The following BABAM2 variants were observed in gnomAD, a reference collection of about 807,000 sequenced individuals.
BABAM2 encodes BRISC and BRCA1-A complex member 2.
In BABAM2, 31 loss-of-function variants were observed where a neutral mutation model predicts 54.7. That is an observed-to-expected ratio of 0.57 (90% CI 0.43 to 0.77). The LOEUF (loss-of-function observed/expected upper bound fraction) is 0.77, where lower values mean the gene tolerates loss of function less well. Ranked by LOEUF, BABAM2 falls within the 30% of genes least tolerant of loss-of-function variation. The probability of loss-of-function intolerance (pLI) is 0.00; values close to 1 mark genes in which losing one functional copy is unlikely to be tolerated. For missense variants in BABAM2, 364 were observed against 455.8 expected (o/e 0.80, Z 1.83); for synonymous variants, 167 against 162.9 (o/e 1.03, Z -0.19).
intron 10 of BABAM2, among the ~76,000 whole-genome samples, chr2:28,291,557 G>C (rs545533405): frequency 7.9e-5 from 12 of 151,286 alleles, no homozygotes; most frequent in Non-Finnish European, 1.6e-4. Context: ...TCACACCACT[G>C]CACTCCAGCC....
chr2:27,896,118 C>T (rs955406083), intron 2 of BABAM2: 6 of 151,948 alleles, frequency 3.9e-5, no homozygotes, highest in Admixed American at 6.6e-5. Flanking sequence ...AGGTATTGGA[C>T]ACTAGGGCAA....
At chr2:28,192,953 G>A (rs1281879293) in intron 7 of BABAM2, among the ~76,000 whole-genome samples, 7 of 151,782 alleles carry the variant, frequency 4.6e-5, no homozygotes, top group Admixed American at 1.3e-4. Context: ...TGGGTGGATC[G>A]CCTGAGGTCA....
intron 10 of BABAM2, among the ~76,000 whole-genome samples, chr2:28,296,897 A>G (rs1687739407): frequency 6.6e-6 from 1 of 152,142 alleles, no homozygotes; most frequent in African/African-American, 2.4e-5. Context: ...CATGTTGGCC[A>G]GGCTGGTCTT....
rs140251284 is a variant in BABAM2 at position 27,962,638 on chromosome 2, T to G, written c.206-25355T>G. On this transcript the variant is annotated intron_variant, in intron 3 of 11. Transcript: ENST00000379624. ...TGAAACAGAAGGGATCAGAAAGAAATTTGATATGGTCAAAAGCAAATTTAA... is the reference window on the plus strand; with the variant it reads ...TGAAACAGAAGGGATCAGAAAGAAAGTTGATATGGTCAAAAGCAAATTTAA... Among the ~76,000 whole-genome samples, 476 of 152,286 alleles carry G rather than the reference T, an allele frequency of 3.1e-3. 4 individuals are homozygous for G. The highest frequency in any genetic ancestry group is 0.011 in the African/African-American group (451 of 41,548).
At chr2:28,220,970 A>G (rs1680350620) in intron 7 of BABAM2, among the ~76,000 whole-genome samples, 2 of 152,172 alleles carry the variant, frequency 1.3e-5, no homozygotes, top group Non-Finnish European at 2.9e-5. Context: ...GTCTTACTGT[A>G]ATACTCCCTT....
At chr2:28,335,452 G>A (rs940864556) in intron 11 of BABAM2, among the ~76,000 whole-genome samples, 1 of 152,222 alleles carries the variant, frequency 6.6e-6, no homozygotes, top group Non-Finnish European at 1.5e-5. Context: ...TTACAGGCAT[G>A]AGCCACTGCG....
At chr2:28,288,450 C>T (rs1041776127) in intron 10 of BABAM2, among the ~76,000 whole-genome samples, 11 of 151,872 alleles carry the variant, frequency 7.2e-5, no homozygotes, top group African/African-American at 2.4e-4. Context: ...CTCAGCCTCC[C>T]GAGTAGCTAG....
intron 6 of BABAM2, among the ~76,000 whole-genome samples, chr2:28,100,768 G>C (rs1418332616): frequency 2.0e-5 from 3 of 152,152 alleles, no homozygotes; most frequent in African/African-American, 7.2e-5. Context: ...CAAATGAAGG[G>C]GCAAGTGTGG....
chr2:28,280,285 T>A (rs889548252), intron 10 of BABAM2, among the ~76,000 whole-genome samples: 8 of 151,306 alleles, frequency 5.3e-5, no homozygotes, highest in Middle Eastern at 7.0e-3. Context: ...AGTCTCAAAT[T>A]CCCTGGGCTC....
At chr2:28,014,491 C>T (rs994950031) in intron 4 of BABAM2, among the ~76,000 whole-genome samples, 1 of 152,148 alleles carries the variant, frequency 6.6e-6, no homozygotes, top group Non-Finnish European at 1.5e-5. Context: ...CTTAACCTAA[C>T]TGTGTTTCTA....
intron 10 of BABAM2, among the ~76,000 whole-genome samples, chr2:28,250,892 C>A (rs769296541): frequency 6.6e-6 from 1 of 152,202 alleles, no homozygotes; most frequent in Non-Finnish European, 1.5e-5. Flanking sequence ...AGCCACCACG[C>A]CCAGCCACAG....
intron 6 of BABAM2, among the ~76,000 whole-genome samples, chr2:28,113,859 TC>T (rs1403504634): frequency 2.6e-5 from 4 of 152,182 alleles, no homozygotes; most frequent in African/African-American, 9.7e-5. Flanking sequence ...AAGAGATCCT[TC>T]ACATCCCTTG....
At chr2:27,890,072 C>T, upstream of BABAM2, 3 of 581,642 alleles carry the variant, frequency 5.2e-6, no homozygotes, top group Non-Finnish European at 9.2e-6. The surrounding 1 kb of genome is among the most constrained non-coding windows in gnomAD (Gnocchi z 4.8). Flanking sequence ...TGAGATTTAC[C>T]TTTATATACT....
intron 2 of BABAM2, among the ~76,000 whole-genome samples, chr2:27,911,931 C>G (rs1159233302): frequency 2.0e-5 from 3 of 152,162 alleles, no homozygotes; most frequent in Non-Finnish European, 2.9e-5. Flanking sequence ...TTTCACAAAA[C>G]CTACACCACT....
chr2:28,319,601 C>A (rs1192664205), intron 11 of BABAM2, among the ~76,000 whole-genome samples: 1 of 152,246 alleles, frequency 6.6e-6, no homozygotes, highest in Non-Finnish European at 1.5e-5. Context: ...CACCAGCACA[C>A]CTCTTCATCC....
chr2:28,207,798 A>G (rs886255251), intron 7 of BABAM2, among the ~76,000 whole-genome samples: 2 of 152,202 alleles, frequency 1.3e-5, no homozygotes, highest in Non-Finnish European at 2.9e-5. Flanking sequence ...TGTTAATCAG[A>G]TCTAATCTCA....
At chr2:28,065,419 G>A (rs141098018) in intron 6 of BABAM2, among the ~76,000 whole-genome samples, 20 of 152,276 alleles carry the variant, frequency 1.3e-4, no homozygotes, top group South Asian at 1.2e-3. Flanking sequence ...GGTTCTGGCC[G>A]TGACAGGAGC....
At chr2:27,899,037 G>A (rs1665561589) in intron 2 of BABAM2, among the ~76,000 whole-genome samples, 1 of 151,476 alleles carries the variant, frequency 6.6e-6, no homozygotes, top group Non-Finnish European at 1.5e-5. Context: ...GCTGAGACAG[G>A]TGGATCACTT....
At chr2:28,303,681 G>A (rs1344422633) in intron 11 of BABAM2, among the ~76,000 whole-genome samples, 2 of 151,892 alleles carry the variant, frequency 1.3e-5, no homozygotes, top group African/African-American at 4.8e-5. Context: ...TTTAGAATCA[G>A]CTTGCCAATT....
Sources: allele counts gnomAD v4.1 joint callset (sites outside exome capture counted in the v4.1 genomes callset), GRCh38; gene constraint gnomAD v4.1.1; non-coding constraint Gnocchi (gnomAD v3.1); transcripts MANE v1.5; gene names NCBI Gene and HGNC (gene_info 2026-07-23, HGNC 2026-07-21).